The following ERGIC1 variants were observed in gnomAD, a reference collection of about 807,000 sequenced individuals.
The protein encoded by ERGIC1 is endoplasmic reticulum-golgi intermediate compartment 1, also known as endoplasmic reticulum-Golgi intermediate compartment protein 1.
In ERGIC1, 19 loss-of-function variants were observed where a neutral mutation model predicts 38.3. The ratio of observed to expected loss-of-function variants is 0.50; its 90% CI spans 0.35 to 0.73. The LOEUF (loss-of-function observed/expected upper bound fraction) is 0.73. ERGIC1 is among the 30% of genes least tolerant of loss of function. The pLI, the probability that ERGIC1 is intolerant of heterozygous loss-of-function variation, is 0.01. For missense variants in ERGIC1, 294 were observed against 389.2 expected, an observed-to-expected ratio of 0.76 and a Z score of 2.06; for synonymous variants, 124 against 157.6, an observed-to-expected ratio of 0.79 and a Z score of 1.60.
At chr5:172,911,949 C>T (rs957484238) in intron 4 of ERGIC1, among the ~76,000 whole-genome samples, 3 of 152,120 alleles carry the variant, frequency 2.0e-5, no homozygotes, top group African/African-American at 7.2e-5. Context: ...CCCCCGTTCC[C>T]TACCCCTACA....
At chr5:172,855,104 G>A (rs928886008) in intron 1 of ERGIC1, among the ~76,000 whole-genome samples, 1 of 152,170 alleles carries the variant, frequency 6.6e-6, no homozygotes, top group South Asian at 2.1e-4. Flanking sequence ...TCCCCCAACG[G>A]ACAGTGGTGG....
intron 1 of ERGIC1, among the ~76,000 whole-genome samples, chr5:172,864,869 G>A (rs1019368758): frequency 1.3e-5 from 2 of 151,528 alleles, no homozygotes; most frequent in African/African-American, 2.4e-5. Context: ...ACTTAAGCCC[G>A]GCTCACACAG....
At chr5:172,883,512 T>C (rs1294702238) in intron 1 of ERGIC1, among the ~76,000 whole-genome samples, 1 of 152,212 alleles carries the variant, frequency 6.6e-6, no homozygotes, top group Non-Finnish European at 1.5e-5. Context: ...TGTTTTTTTG[T>C]AGACTGCCCC....
At chr5:172,885,889 T>C (rs1208455538) in intron 1 of ERGIC1, among the ~76,000 whole-genome samples, 1 of 152,146 alleles carries the variant, frequency 6.6e-6, no homozygotes, top group Non-Finnish European at 1.5e-5. Context: ...ATTTGTCCTG[T>C]AGAGTGTTGG....
At chr5:172,886,251 G>T (rs1211339459) in intron 1 of ERGIC1, among the ~76,000 whole-genome samples, 1 of 152,152 alleles carries the variant, frequency 6.6e-6, no homozygotes, top group Admixed American at 6.5e-5. Flanking sequence ...GTGCCGGAGA[G>T]AGGACAGCGC....
At chr5:172,882,578 C>T (rs1245645126) in intron 1 of ERGIC1, among the ~76,000 whole-genome samples, 1 of 152,138 alleles carries the variant, frequency 6.6e-6, no homozygotes, top group Non-Finnish European at 1.5e-5. Context: ...CTTCCATTTT[C>T]TCCCTGGAAA....
intron 3 of ERGIC1, among the ~76,000 whole-genome samples, chr5:172,902,057 G>A (rs894834765): frequency 2.6e-5 from 4 of 152,194 alleles, no homozygotes; most frequent in African/African-American, 9.7e-5. Context: ...ACACGGGTCT[G>A]TGATGCTGAA....
chr5:172,878,854 AG>A (rs1762214284), intron 1 of ERGIC1, among the ~76,000 whole-genome samples: 1 of 152,236 alleles, frequency 6.6e-6, no homozygotes, highest in African/African-American at 2.4e-5. Flanking sequence ...AGTGGTTCTC[AG>A]TAAGGTGGAG....
chr5:172,930,182 C>T (rs1159245159), intron 7 of ERGIC1, among the ~76,000 whole-genome samples: 8 of 108,858 alleles, frequency 7.3e-5, no homozygotes, highest in African/African-American at 2.1e-4. Context: ...AGTGAAACTC[C>T]GTTTCAAAAA....
chr5:172,899,537 G>A (rs1249297460), intron 3 of ERGIC1, among the ~76,000 whole-genome samples: 2 of 151,880 alleles, frequency 1.3e-5, no homozygotes, highest in South Asian at 4.1e-4. Flanking sequence ...GGCTGGTCTC[G>A]AACTCCTGAC....
chr5:172,944,970 C>T lies in ERGIC1; in HGVS notation c.766-5739C>T, dbSNP rs186372779. On this transcript the variant is annotated intron_variant, in intron 9 of 9. Coordinates refer to ENST00000393784, the MANE Select transcript of ERGIC1 (RefSeq NM_001031711.3). The stretch of plus-strand genomic sequence containing the variant: ...TTGGGTGTGGAACCCTGTGCCTTTC[C>T]TGAGTAGTCATTCATTCCCTCACTC... Among the ~76,000 whole-genome samples, 84 of 152,360 alleles carry T rather than the reference C, an allele frequency of 5.5e-4. No individual in the cohort carries two copies. In the East Asian group the frequency reaches 0.014, roughly 25 times the overall value.
intron 2 of ERGIC1, among the ~76,000 whole-genome samples, chr5:172,892,060 A>ATTTTTTTGTTGTTTTGTTT (rs372105420): frequency 8.0e-6 from 1 of 125,530 alleles, no homozygotes; most frequent in Non-Finnish European, 1.6e-5. Context: ...GTTAAAGAGT[A>ATTTTTTTGTTGTTTTGTTT]TGTTTTTTTT....
intron 6 of ERGIC1, among the ~76,000 whole-genome samples, chr5:172,925,120 C>T (rs1459151825): frequency 6.6e-6 from 1 of 152,086 alleles, no homozygotes; most frequent in Non-Finnish European, 1.5e-5. Context: ...CACCTGTGAT[C>T]CCAGCTACTC....
chr5:172,928,419 G>A (rs1216997649), intron 7 of ERGIC1, among the ~76,000 whole-genome samples: 1 of 152,192 alleles, frequency 6.6e-6, no homozygotes. Flanking sequence ...TGCTATGGGG[G>A]TTGTTTCTTG....
rs188903247 is a variant in ERGIC1, at chr5:172,841,809, C to G, written c.20+7376C>G. On this transcript the variant is annotated intron_variant, in intron 1 of 9. Coordinates refer to ENST00000393784, the MANE Select transcript of ERGIC1 (RefSeq NM_001031711.3). ...GACTTATAAAATCACACTGGCCTTACAGACAGATACAATGATTCATGATTT... is the reference window on the plus strand; with the variant it reads ...GACTTATAAAATCACACTGGCCTTAGAGACAGATACAATGATTCATGATTT... Among the ~76,000 whole-genome samples the G allele has an allele frequency of 4.0e-4, 61 of 152,340 alleles. No individual in the cohort carries two copies. In the East Asian group the frequency reaches 0.011, roughly 27 times the overall value.
At chr5:172,854,000 T>A (rs1275139882) in intron 1 of ERGIC1, among the ~76,000 whole-genome samples, 1 of 152,232 alleles carries the variant, frequency 6.6e-6, no homozygotes, top group Non-Finnish European at 1.5e-5. Context: ...ATGTGCATAA[T>A]TGACAGTAGT....
rs550024900 is a variant in ERGIC1 at position 172,870,934 on chromosome 5, G to T, written c.21-17765G>T. On this transcript the variant is annotated intron_variant, in intron 1 of 9. Coordinates refer to ENST00000393784, the MANE Select transcript of ERGIC1 (RefSeq NM_001031711.3). ...GGGCCTTTTGCTGCTTAAAGATGAT[G>T]CTCGCCACTTCAGATCACAGTGCCA... 7.2e-5 allele frequency among the ~76,000 whole-genome samples: 11 copies of T among 152,290 alleles called. No homozygotes were observed. The South Asian group carries it at 2.3e-3, about 32-fold the overall frequency.
Position 172,837,863 on chromosome 5 carries a change from T to TG in ERGIC1, c.20+3434dup, listed in dbSNP as rs1761072574. ...GTGTTGTTTCGAGTTCCGGCTGGCC[T>TG]GGGGCCAGTAGCACCTGCTGCCTTC... On this transcript the variant is annotated intron_variant, in intron 1 of 9. Coordinates refer to ENST00000393784, the MANE Select transcript of ERGIC1 (RefSeq NM_001031711.3). This position sits in a 1 kb window ranked among gnomAD's most constrained non-coding sequence, Gnocchi z 4.3. Among the ~76,000 whole-genome samples the TG allele has an allele frequency of 6.6e-6, 1 of 152,260 alleles. No individual in the cohort carries two copies. Among genetic ancestry groups the TG allele is most frequent in the Admixed American group, 6.5e-5 (1 of 15,284 alleles).
chr5:172,843,664 G>A (rs376270170), intron 1 of ERGIC1, among the ~76,000 whole-genome samples: 4 of 152,210 alleles, frequency 2.6e-5, no homozygotes, highest in East Asian at 3.8e-4. Flanking sequence ...TTTCTGAATG[G>A]TCTTCGCCCT....
Sources: allele counts gnomAD v4.1 joint callset (sites outside exome capture counted in the v4.1 genomes callset), GRCh38; gene constraint gnomAD v4.1.1; non-coding constraint Gnocchi (gnomAD v3.1); transcripts MANE v1.5; gene names NCBI Gene and HGNC (gene_info 2026-07-23, HGNC 2026-07-21).